FANCC: variants seen among roughly 807,000 people sequenced by gnomAD.
FANCC encodes FA complementation group C.
A neutral mutation model predicts 71.3 loss-of-function variants in FANCC; 55 were observed. The observed-to-expected ratio is 0.77, with a 90% CI of 0.62 to 0.97. FANCC has a LOEUF of 0.97. Ranked by LOEUF, FANCC falls within the 50% of genes least tolerant of loss-of-function variation. The probability of loss-of-function intolerance (pLI) is 0.00; values close to 1 mark genes in which losing one functional copy is unlikely to be tolerated. For missense variants in FANCC, 678 were observed against 670.9 expected (o/e 1.01, Z -0.12); for synonymous variants, 275 against 244.9 (o/e 1.12, Z -1.15).
intron 4 of FANCC, among the ~76,000 whole-genome samples, chr9:95,180,714 AAC>A (rs1174676713): frequency 6.6e-6 from 1 of 151,962 alleles, no homozygotes; most frequent in Non-Finnish European, 1.5e-5. Flanking sequence ...ATAAACCAAT[AAC>A]ACAGCCATTT....
intron 6 of FANCC, among the ~76,000 whole-genome samples, chr9:95,154,667 T>C: frequency 6.6e-6 from 1 of 151,866 alleles, no homozygotes; most frequent in East Asian, 1.9e-4. Flanking sequence ...TGTTAAAACA[T>C]GGCAGGAAGA....
Position 95,240,655 on chromosome 9 carries a change from C to T in FANCC, c.339G>A (p.Trp113Ter), listed in dbSNP as rs1057516291. Residue 113 changes from tryptophan (W) to a stop codon, truncating the protein, a stop_gained, in exon 4 of 15, where the codon TGG becomes TGA. Transcript: ENST00000289081. LOFTEE classifies it high-confidence loss of function. The part of the protein sequence containing the change: ...QNSGQSKLNS[W>*]IQGVLSHILS... ...GCAAGATTTACTCTCTTACCTGTATCCAGGAGTTAAGTTTTGATTGTCCAG... is the reference window on the plus strand; with the variant it reads ...GCAAGATTTACTCTCTTACCTGTATTCAGGAGTTAAGTTTTGATTGTCCAG... The T allele has an allele frequency of 1.2e-6, 2 of 1,600,894 alleles. No individual in the cohort carries two copies. The highest frequency in any genetic ancestry group is 4.5e-5 in the East Asian group (2 of 44,702).
At chr9:95,306,467 A>C (rs1469806206) in intron 1 of FANCC, among the ~76,000 whole-genome samples, 2 of 152,222 alleles carry the variant, frequency 1.3e-5, no homozygotes, top group Non-Finnish European at 1.5e-5. Context: ...CTTGCTTAAC[A>C]ATGCTTCCAT....
At chr9:95,144,224 A>T (rs536996508) in intron 7 of FANCC, among the ~76,000 whole-genome samples, 1 of 152,224 alleles carries the variant, frequency 6.6e-6, no homozygotes, top group Non-Finnish European at 1.5e-5. Context: ...CGCCTACGGG[A>T]AAGTGTCCAT....
chr9:95,251,165 T>C (rs1831308125), intron 1 of FANCC, among the ~76,000 whole-genome samples: 1 of 152,212 alleles, frequency 6.6e-6, no homozygotes, highest in Non-Finnish European at 1.5e-5. Flanking sequence ...GTAAATTCCC[T>C]GTCTTCCTAG....
intron 1 of FANCC, among the ~76,000 whole-genome samples, chr9:95,272,907 C>CTA (rs1426091680): frequency 7.9e-5 from 12 of 152,228 alleles, no homozygotes; most frequent in African/African-American, 2.9e-4. Context: ...AGCTAGAAAT[C>CTA]GGTGATCAGC....
intron 1 of FANCC, among the ~76,000 whole-genome samples, chr9:95,269,548 A>T (rs1340082668): frequency 6.6e-6 from 1 of 152,214 alleles, no homozygotes; most frequent in Non-Finnish European, 1.5e-5. Context: ...GGGAGAGCTG[A>T]TTGCTTCTGC....
At chr9:95,277,431 T>C (rs1247076151) in intron 1 of FANCC, among the ~76,000 whole-genome samples, 1 of 152,184 alleles carries the variant, frequency 6.6e-6, no homozygotes, top group East Asian at 1.9e-4. Context: ...CCTAATTTGA[T>C]CAGTACATAA....
At chr9:95,198,672 C>T (rs1827607373) in intron 4 of FANCC, among the ~76,000 whole-genome samples, 1 of 151,790 alleles carries the variant, frequency 6.6e-6, no homozygotes, top group East Asian at 1.9e-4. Flanking sequence ...CATGATGTCT[C>T]CCAGTCTCAT....
intron 13 of FANCC, chr9:95,111,112 C>T (rs2071879297): frequency 5.9e-6 from 9 of 1,524,584 alleles, no homozygotes; most frequent in Middle Eastern, 2.3e-4. Context: ...GCTGCCGGCA[C>T]ACCCCTCAGA....
chr9:95,244,763 G>A (rs959689748), intron 3 of FANCC, among the ~76,000 whole-genome samples: 1 of 144,926 alleles, frequency 6.9e-6, no homozygotes, highest in Non-Finnish European at 1.5e-5. Flanking sequence ...TGCAAGTGAA[G>A]CTGGCTAGTG....
chr9:95,313,378 T>A (rs1295202962), intron 1 of FANCC, among the ~76,000 whole-genome samples: 1 of 152,234 alleles, frequency 6.6e-6, no homozygotes, highest in African/African-American at 2.4e-5. Flanking sequence ...CGCGCGCATG[T>A]GTGCACAACC....
chr9:95,170,961 T>A (rs1490648215), intron 6 of FANCC, 118 bp downstream of exon 6: 3 of 769,770 alleles, frequency 3.9e-6, no homozygotes, highest in African/African-American at 3.5e-5. Flanking sequence ...ATAATCTTTC[T>A]ATATAAAATA....
intron 4 of FANCC, among the ~76,000 whole-genome samples, chr9:95,202,023 C>A (rs1268583272): frequency 2.0e-5 from 3 of 152,148 alleles, no homozygotes; most frequent in African/African-American, 7.2e-5. Context: ...TGGTTCTTGA[C>A]AACTATAATC....
At chr9:95,276,195 T>G (rs895845517) in intron 1 of FANCC, among the ~76,000 whole-genome samples, 2 of 152,324 alleles carry the variant, frequency 1.3e-5, no homozygotes, top group Non-Finnish European at 2.9e-5. Context: ...ACCACCAGGA[T>G]GAATGAATTT....
chr9:95,109,104 A>AG (rs1491090999), intron 13 of FANCC, among the ~76,000 whole-genome samples: 1 of 151,774 alleles, frequency 6.6e-6, no homozygotes, highest in African/African-American at 2.4e-5. Context: ...TTGTAGAGAC[A>AG]GGGGTCTATG....
intron 4 of FANCC, among the ~76,000 whole-genome samples, chr9:95,183,328 C>T (rs1051661075): frequency 6.6e-6 from 1 of 152,190 alleles, no homozygotes; most frequent in Admixed American, 6.5e-5. Flanking sequence ...CTCTGTCCAC[C>T]GTTAGCATGC....
chr9:95,145,655 C>CTTTA (rs1484163813), intron 7 of FANCC: 1 of 152,136 alleles, frequency 6.6e-6, no homozygotes, highest in Non-Finnish European at 1.5e-5. Context: ...TTGATGCCAG[C>CTTTA]ACTAAAGCAG....
chr9:95,204,114 A>G (rs1047684881), intron 4 of FANCC, among the ~76,000 whole-genome samples: 9 of 152,238 alleles, frequency 5.9e-5, no homozygotes, highest in African/African-American at 2.2e-4. Flanking sequence ...AGTATATGCT[A>G]ATGTGTTCTT....
Sources: allele counts gnomAD v4.1 joint callset (sites outside exome capture counted in the v4.1 genomes callset), GRCh38; gene constraint gnomAD v4.1.1; transcripts MANE v1.5; gene names NCBI Gene and HGNC (gene_info 2026-07-23, HGNC 2026-07-21).